The following APBA1 variants were observed in gnomAD, a reference collection of about 807,000 sequenced individuals.
The protein encoded by APBA1 is amyloid beta precursor protein binding family A member 1.
APBA1 carries 55 observed loss-of-function variants against 86.6 expected under a neutral mutation model. The observed-to-expected ratio is 0.64, with a 90% confidence interval of 0.51 to 0.80. The LOEUF (loss-of-function observed/expected upper bound fraction) is 0.80. Ranked by LOEUF, APBA1 falls within the 30% of genes least tolerant of loss-of-function variation. APBA1 has a pLI of 0.00. For synonymous variants in APBA1, 511 were observed against 493.9 expected (o/e 1.03, Z -0.46); for missense variants, 1,090 against 1,183.0 (o/e 0.92, Z 1.15).
At chr9:69,671,504 T>C (rs1410929145) in intron 1 of APBA1, among the ~76,000 whole-genome samples, 1 of 152,266 alleles carries the variant, frequency 6.6e-6, no homozygotes, top group African/African-American at 2.4e-5. Flanking sequence ...TGCTCAGAGT[T>C]GCAGGGTCAA....
At chr9:69,444,289 C>T (rs1157415321) in intron 10 of APBA1, among the ~76,000 whole-genome samples, 2 of 152,134 alleles carry the variant, frequency 1.3e-5, no homozygotes, top group East Asian at 1.9e-4. Flanking sequence ...TGTGATTCTC[C>T]CTGGGGAAAT....
chr9:69,660,177 C>T (rs1291610241), intron 1 of APBA1, among the ~76,000 whole-genome samples: 1 of 152,196 alleles, frequency 6.6e-6, no homozygotes, highest in African/African-American at 2.4e-5. Context: ...ACTTCCAAGT[C>T]TATACTTATT....
rs550517328 is a variant in APBA1, at chr9:69,504,659, G to C, written c.1200+11352C>G. Among the ~76,000 whole-genome samples, 7 of 152,070 alleles carry C rather than the reference G, an allele frequency of 4.6e-5. No individual in the cohort carries two copies. In the South Asian group the frequency reaches 1.5e-3, roughly 32 times the overall value. ...AGAGAGGAATACACTCATCTGTTGG[G>C]GACTAGGGATCCTGAGTGGGTTGGA... On this transcript the variant is annotated intron_variant, in intron 2 of 12. Transcript: ENST00000265381.
intron 1 of APBA1, among the ~76,000 whole-genome samples, chr9:69,613,772 T>A (rs1367231766): frequency 6.6e-6 from 1 of 152,160 alleles, no homozygotes; most frequent in Non-Finnish European, 1.5e-5. Context: ...AACCACATAT[T>A]CCCCTGCTCA....
At chr9:69,569,344 T>C (rs562503414) in intron 1 of APBA1, among the ~76,000 whole-genome samples, 1 of 152,284 alleles carries the variant, frequency 6.6e-6, no homozygotes, top group Admixed American at 6.5e-5. Context: ...GAGAATGTCT[T>C]GTATGTATTT....
chr9:69,513,473 G>A (rs796807922), intron 2 of APBA1, among the ~76,000 whole-genome samples: 31 of 152,326 alleles, frequency 2.0e-4, no homozygotes, highest in African/African-American at 7.0e-4. Flanking sequence ...GGATACAGAA[G>A]CCAGCCTTTT....
intron 1 of APBA1, among the ~76,000 whole-genome samples, chr9:69,642,771 G>T (rs1016917832): frequency 3.3e-5 from 5 of 151,738 alleles, no homozygotes; most frequent in Non-Finnish European, 5.9e-5. Context: ...ATATAAGTGG[G>T]CTTCATACAA....
chr9:69,620,172 T>A (rs1388376744), intron 1 of APBA1, among the ~76,000 whole-genome samples: 4 of 152,188 alleles, frequency 2.6e-5, no homozygotes, highest in Non-Finnish European at 5.9e-5. Context: ...GCTTCCAATT[T>A]CTCCTGAGGA....
chr9:69,432,664 T>C lies in APBA1; in HGVS notation c.2314A>G (p.Met772Val). The C allele has an allele frequency of 6.3e-7, 1 of 1,588,652 alleles. No individual in the cohort carries two copies. Among genetic ancestry groups the C allele is most frequent in the Non-Finnish European group, 8.6e-7 (1 of 1,169,472 alleles). The change falls in exon 12 of 13, where the codon ATG becomes GTG. Residue 772 changes from methionine to valine, a missense_variant. This residue lies in a region of APBA1 where 119 missense variants were observed against 124.8 expected (regional missense o/e 0.95). Coordinates refer to ENST00000265381, the MANE Select transcript of APBA1 (RefSeq NM_001163.4). Reference protein sequence around the residue: ...SVQNGIICSLMRGGIAERGGV... With the variant: ...SVQNGIICSLVRGGIAERGGV... ...CCTCTCTCAGCTATTCCCCCTCGCA[T>C]GAGGCTGCAGATCTGCCAGAGTCAA...
chr9:69,448,706 C>T (rs1834952865), intron 10 of APBA1, among the ~76,000 whole-genome samples: 1 of 152,112 alleles, frequency 6.6e-6, no homozygotes, highest in Admixed American at 6.5e-5. Flanking sequence ...ACGCACACAG[C>T]TATGTTCCAG....
intron 7 of APBA1, 126 bp from the exon 8 acceptor site, chr9:69,456,558 G>T: frequency 1.0e-6 from 1 of 1,003,976 alleles, no homozygotes; most frequent in Non-Finnish European, 1.5e-6. Context: ...TCACTGCAAA[G>T]CCCATGCTGA....
chr9:69,472,456 G>T (rs1474221319), intron 3 of APBA1: 4 of 152,184 alleles, frequency 2.6e-5, no homozygotes, highest in Non-Finnish European at 5.9e-5. Flanking sequence ...CACTGACTGA[G>T]ATAAGAGAAA....
intron 1 of APBA1, among the ~76,000 whole-genome samples, chr9:69,593,323 G>T (rs1822168630): frequency 6.6e-6 from 1 of 152,052 alleles, no homozygotes; most frequent in Admixed American, 6.6e-5. Context: ...TTCTAGAATT[G>T]GTTTTTAAAG....
intron 1 of APBA1, among the ~76,000 whole-genome samples, chr9:69,523,497 GTATATATATATATATATATATATATA>G (rs869242999): frequency 1.3e-4 from 4 of 30,884 alleles, no homozygotes; most frequent in Admixed American, 5.0e-4. Flanking sequence ...ATATATATAT[GTATATATATATATATATATATATATA>G]TATATATATA....
At chr9:69,468,775 T>G (rs1835320607) in intron 4 of APBA1, among the ~76,000 whole-genome samples, 2 of 152,256 alleles carry the variant, frequency 1.3e-5, no homozygotes, top group African/African-American at 4.8e-5. Context: ...TAACTCGAAA[T>G]TAAAACGTGT....
intron 2 of APBA1, among the ~76,000 whole-genome samples, chr9:69,500,933 C>T (rs1435068527): frequency 1.3e-5 from 2 of 152,092 alleles, no homozygotes; most frequent in Non-Finnish European, 2.9e-5. Context: ...ATAGCCAAAT[C>T]GCATTTCATA....
chr9:69,516,623 G>C lies in APBA1; in HGVS notation c.588C>G (p.His196Gln). 1 of 1,607,534 alleles carries C rather than the reference G, an allele frequency of 6.2e-7. No homozygotes were observed. The highest frequency in any genetic ancestry group is 8.5e-7 in the Non-Finnish European group (1 of 1,179,262). Residue 196 changes from histidine (H) to glutamine (Q), a missense_variant, in exon 2 of 13, where the codon CAC becomes CAG. Physicochemically the swap from His to Gln is conservative, Grantham distance 24 (BLOSUM62 0). This residue lies in a region of APBA1 where 678 missense variants were observed against 647.1 expected (regional missense o/e 1.05). Coordinates refer to ENST00000265381, the MANE Select transcript of APBA1 (RefSeq NM_001163.4). This position sits in a 1 kb window ranked among gnomAD's most constrained non-coding sequence, Gnocchi z 7.3. ...GCGCGTCCCCTATCTCCTCGTACAC[G>C]TGCTCCTGGAGGCCGCCGTAGTCGG... The part of the protein sequence containing the change: ...PYADYGGLQE[H>Q]VYEEIGDAPE...
intron 1 of APBA1, among the ~76,000 whole-genome samples, chr9:69,599,457 C>T (rs1373898378): frequency 6.6e-6 from 1 of 152,202 alleles, no homozygotes; most frequent in Non-Finnish European, 1.5e-5. Flanking sequence ...AACTGACTCA[C>T]CAAACCAATT....
chr9:69,602,505 A>T (rs1822371511), intron 1 of APBA1, among the ~76,000 whole-genome samples: 1 of 151,972 alleles, frequency 6.6e-6, no homozygotes, highest in South Asian at 2.1e-4. Flanking sequence ...TGGGAGGTGG[A>T]GCGTGCAGTT....
Sources: allele counts gnomAD v4.1 joint callset (sites outside exome capture counted in the v4.1 genomes callset), GRCh38; gene constraint gnomAD v4.1.1; regional missense constraint gnomAD v4.1.1; non-coding constraint Gnocchi (gnomAD v3.1); transcripts MANE v1.5; gene names NCBI Gene and HGNC (gene_info 2026-07-23, HGNC 2026-07-21).